SLC12A6: variants seen among roughly 807,000 people sequenced by gnomAD.
The protein encoded by SLC12A6 is K-Cl cotransporter 3.
SLC12A6 carries 66 observed loss-of-function variants against 135.3 expected under a neutral mutation model. The observed-to-expected ratio is 0.49, with a 90% CI of 0.40 to 0.60. SLC12A6 has a LOEUF of 0.60. Ranked by LOEUF, SLC12A6 falls within the 20% of genes least tolerant of loss-of-function variation. The pLI is 0.00. For synonymous variants in SLC12A6, 513 were observed against 508.8 expected, an observed-to-expected ratio of 1.01 and a Z score of -0.11; for missense variants, 1,058 against 1,452.3, an observed-to-expected ratio of 0.73 and a Z score of 4.41.
At chr15:34,324,448 CATT>C (rs1158714278) in intron 2 of SLC12A6, among the ~76,000 whole-genome samples, 1 of 152,028 alleles carries the variant, frequency 6.6e-6, no homozygotes, top group Non-Finnish European at 1.5e-5. Context: ...CAGTAAAACA[CATT>C]ATTTGTGACT....
chr15:34,250,368 G>T lies in SLC12A6; in HGVS notation c.1592-13C>A. ...ACATTGCTTAAATCTACCATATTGA[G>T]AGTCAAGGAAACTGTTGTTTACCCT... On this transcript the variant is annotated splice_polypyrimidine_tract_variant and intron_variant, in intron 12 of 25. Coordinates refer to ENST00000354181, the MANE Select transcript of SLC12A6 (RefSeq NM_001365088.1). 2 of 1,557,134 alleles carry T rather than the reference G, an allele frequency of 1.3e-6. No homozygotes were observed. The highest frequency in any genetic ancestry group is 1.8e-6 in the Non-Finnish European group (2 of 1,127,948).
At position 34,231,814 on chromosome 15, in the gene SLC12A6, TCTC is replaced by T. The variant is rs907464298; in HGVS notation, c.*2064_*2066del. ...CCGTGTTAGCCAGGATGGTCTCAAA[TCTC>T]CTGACCTCGTGATCCGCCTGCCTCG... On this transcript the variant is annotated 3_prime_UTR_variant, in exon 26 of 26. Transcript: ENST00000354181. 6.6e-6 allele frequency: 1 copy of T among 151,988 alleles called. No individual in the cohort carries two copies. Among genetic ancestry groups the T allele is most frequent in the Non-Finnish European group, 1.5e-5 (1 of 68,034 alleles). 9.4% of individuals were successfully genotyped at this position (151,988 alleles called of 1,614,324 possible). A position where few individuals can be genotyped will look rare whatever the true frequency, so the allele number is the denominator to read the frequency against.
Position 34,236,035 on chromosome 15 carries a change from C to G in SLC12A6, c.3207G>C (p.Gln1069His). Residue 1069 changes from glutamine to histidine, a missense_variant, in exon 24 of 26, where the codon CAG becomes CAC. By Grantham distance (24) the Gln-to-His change is conservative. Transcript: ENST00000354181. Reference protein sequence around the residue: ...GQKAKSMEGFQDLLNMRPDQS... With the variant: ...GQKAKSMEGFHDLLNMRPDQS... Reference sequence around the variant, plus strand: ...CTTACGGACGCATGTTAAGCAGGTCCTGGAATCCTTCCATTGACTTCGCTT... The same window carrying G: ...CTTACGGACGCATGTTAAGCAGGTCGTGGAATCCTTCCATTGACTTCGCTT... 3 of 1,614,004 alleles carry G rather than the reference C, an allele frequency of 1.9e-6. No individual in the cohort carries two copies. The highest frequency in any genetic ancestry group is 2.5e-6 in the Non-Finnish European group (3 of 1,179,886).
At chr15:34,312,408 T>A (rs1275824520) in intron 2 of SLC12A6, among the ~76,000 whole-genome samples, 1 of 152,350 alleles carries the variant, frequency 6.6e-6, no homozygotes, top group East Asian at 1.9e-4. Flanking sequence ...GCCATATTTT[T>A]ACCTTAGGAC....
intron 3 of SLC12A6, among the ~76,000 whole-genome samples, chr15:34,274,191 T>C (rs1262328849): frequency 6.6e-6 from 1 of 152,184 alleles, no homozygotes; most frequent in Non-Finnish European, 1.5e-5. Context: ...AACAAAGGAA[T>C]GAAGCAGAAC....
intron 2 of SLC12A6, among the ~76,000 whole-genome samples, chr15:34,291,331 G>A (rs1895511736): frequency 6.6e-6 from 1 of 152,198 alleles, no homozygotes; most frequent in African/African-American, 2.4e-5. Context: ...CTGGCTTGTA[G>A]GGTTTCTGCT....
chr15:34,332,782 CAA>C (rs555186537), intron 2 of SLC12A6, among the ~76,000 whole-genome samples: 9 of 103,148 alleles, frequency 8.7e-5, no homozygotes, highest in Non-Finnish European at 4.1e-5. Flanking sequence ...GACTTTGCCT[CAA>C]AAAAAAAAAA....
chr15:34,230,474 G>A lies in SLC12A6; in HGVS notation c.*3407C>T, dbSNP rs1890851401. ...GATCGTCCCCCTGCCGAAGGAACCT[G>A]GCACCTGTCAAGCAGATGCTGCAGT... On this transcript the variant is annotated 3_prime_UTR_variant, in exon 26 of 26. Coordinates refer to ENST00000354181, the MANE Select transcript of SLC12A6 (RefSeq NM_001365088.1). The A allele has an allele frequency of 6.6e-6, 1 of 152,520 alleles. No homozygotes were observed. Among genetic ancestry groups the A allele is most frequent in the African/African-American group, 2.4e-5 (1 of 41,426 alleles). 9.4% of individuals were successfully genotyped at this position (152,520 alleles called of 1,614,324 possible).
intron 9 of SLC12A6, among the ~76,000 whole-genome samples, chr15:34,253,751 C>T (rs1023410047): frequency 6.6e-6 from 1 of 152,212 alleles, no homozygotes; most frequent in East Asian, 1.9e-4. Flanking sequence ...CAGCTAGTCC[C>T]TATGCCACTA....
intron 2 of SLC12A6, among the ~76,000 whole-genome samples, chr15:34,286,260 G>C (rs1234077677): frequency 6.6e-6 from 1 of 151,434 alleles, no homozygotes; most frequent in Non-Finnish European, 1.5e-5. Context: ...ATTTTTAGTA[G>C]AGATGGGGTT....
intron 2 of SLC12A6, among the ~76,000 whole-genome samples, chr15:34,305,714 G>A (rs1250550582): frequency 1.3e-5 from 2 of 151,294 alleles, no homozygotes; most frequent in Non-Finnish European, 2.9e-5. Flanking sequence ...AGTCTTAAAT[G>A]TGGCCCATTA....
At chr15:34,282,130 G>A (rs1894729172) in intron 2 of SLC12A6, among the ~76,000 whole-genome samples, 1 of 152,122 alleles carries the variant, frequency 6.6e-6, no homozygotes, top group African/African-American at 2.4e-5. Context: ...TCTACTTCAT[G>A]TACAGTGTAT....
In SLC12A6 at chr15:34,252,253, T is replaced by C. The variant is rs199945338; in HGVS notation, c.1250A>G (p.Asn417Ser). 361 of 1,608,322 alleles carry C rather than the reference T, an allele frequency of 2.2e-4. No individual in the cohort carries two copies. Among genetic ancestry groups the C allele is most frequent in the Admixed American group, 6.8e-4 (41 of 59,992 alleles). ...GFFCNSSQFF[N>S]ATCDEYFVHN... ...AACAAAGTATTCATCACAGGTGGCA[T>C]TGAAAAATTGACTCGAGTTACAGAA... is the stretch of plus-strand genomic sequence containing the variant. The change falls in exon 10 of 26, where the codon AAT becomes AGT. Residue 417 changes from asparagine (N) to serine (S), a missense_variant. Coordinates refer to ENST00000354181, the MANE Select transcript of SLC12A6 (RefSeq NM_001365088.1).
At chr15:34,265,420 C>A (rs369465368) in intron 3 of SLC12A6, among the ~76,000 whole-genome samples, 1,944 of 138,178 alleles carry the variant, frequency 0.014, 44 homozygotes, top group African/African-American at 0.052. Flanking sequence ...AAAAAACAAA[C>A]AAAAAAGACA....
At chr15:34,253,901 C>T (rs1428224009) in intron 9 of SLC12A6, among the ~76,000 whole-genome samples, 1 of 152,156 alleles carries the variant, frequency 6.6e-6, no homozygotes, top group African/African-American at 2.4e-5. Flanking sequence ...GTACAAAGTA[C>T]ATTATTTGGG....
At chr15:34,321,536 G>C (rs1258944822) in intron 2 of SLC12A6, among the ~76,000 whole-genome samples, 3 of 152,202 alleles carry the variant, frequency 2.0e-5, no homozygotes, top group Non-Finnish European at 4.4e-5. Context: ...ATACACTGTT[G>C]TTGGGGGTAT....
At chr15:34,301,596 C>T (rs2141017043) in intron 2 of SLC12A6, among the ~76,000 whole-genome samples, 1 of 152,292 alleles carries the variant, frequency 6.6e-6, no homozygotes, top group Non-Finnish European at 1.5e-5. Flanking sequence ...CCAAACATGC[C>T]TATGGAGCAG....
At chr15:34,253,847 AG>A (rs1892557726) in intron 9 of SLC12A6, among the ~76,000 whole-genome samples, 1 of 152,216 alleles carries the variant, frequency 6.6e-6, no homozygotes, top group African/African-American at 2.4e-5. Context: ...TATTCGCACT[AG>A]GGAGTTGAAG....
chr15:34,283,329 G>C (rs1160788211), intron 2 of SLC12A6, among the ~76,000 whole-genome samples: 1 of 152,038 alleles, frequency 6.6e-6, no homozygotes. Flanking sequence ...GGTGACAAGA[G>C]CGAAACTCTG....
Sources: allele counts gnomAD v4.1 joint callset (sites outside exome capture counted in the v4.1 genomes callset), GRCh38; gene constraint gnomAD v4.1.1; transcripts MANE v1.5; gene names NCBI Gene and HGNC (gene_info 2026-07-23, HGNC 2026-07-21).